The following RASEF variants were observed in gnomAD, a reference collection of about 807,000 sequenced individuals.
The protein encoded by RASEF is RAS and EF-hand domain containing.
Under a neutral mutation model 90.1 loss-of-function variants are expected in RASEF, and 68 were observed. The observed-to-expected ratio is 0.75, with a 90% CI of 0.62 to 0.92. The LOEUF is 0.92. RASEF is among the 40% of genes least tolerant of loss of function. The pLI is 0.00. For synonymous variants in RASEF, 331 were observed against 345.2 expected, an observed-to-expected ratio of 0.96 and a Z score of 0.46; for missense variants, 949 against 937.2, an observed-to-expected ratio of 1.01 and a Z score of -0.16.
chr9:83,061,573 A>T (rs745829159), intron 1 of RASEF, among the ~76,000 whole-genome samples: 3 of 152,146 alleles, frequency 2.0e-5, no homozygotes, highest in Non-Finnish European at 2.9e-5. Context: ...CCACCACACC[A>T]AGGCATGGAC....
chr9:83,060,146 C>A (rs1830180102), intron 1 of RASEF, among the ~76,000 whole-genome samples: 1 of 151,950 alleles, frequency 6.6e-6, no homozygotes, highest in African/African-American at 2.4e-5. Flanking sequence ...GCAGACTGTC[C>A]CCAGGGATAA....
At chr9:83,000,101 C>A (rs1411875320) in intron 12 of RASEF, 68 bp downstream of exon 12, 1 of 1,431,350 alleles carries the variant, frequency 7.0e-7, no homozygotes. Flanking sequence ...TGTATGTAAT[C>A]CCTGAAGAAG....
the RASEF span, among the ~76,000 whole-genome samples, chr9:83,153,722 A>G: frequency 4.6e-5 from 7 of 152,332 alleles, no homozygotes; most frequent in East Asian, 1.2e-3. Context: ...GTTCTTTTCT[A>G]GTCCTCAGTA....
chr9:83,164,620 A>G, the RASEF span, among the ~76,000 whole-genome samples: 1 of 151,156 alleles, frequency 6.6e-6, no homozygotes, highest in East Asian at 1.9e-4. Context: ...AAGGAAAAAA[A>G]AAAAGAAGGC....
intron 1 of RASEF, among the ~76,000 whole-genome samples, chr9:83,037,320 A>T (rs1829760980): frequency 6.6e-6 from 1 of 152,136 alleles, no homozygotes; most frequent in Admixed American, 6.5e-5. Context: ...TCAAAAAAAA[A>T]AATAAACAGT....
the RASEF span, among the ~76,000 whole-genome samples, chr9:83,078,015 G>T: frequency 6.6e-6 from 1 of 152,148 alleles, no homozygotes; most frequent in Non-Finnish European, 1.5e-5. Flanking sequence ...AGGGATCTCT[G>T]TATAACCTCA....
chr9:82,998,621 C>A (rs1828965299), intron 12 of RASEF, among the ~76,000 whole-genome samples, 175 bp from the exon 13 acceptor site: 1 of 152,186 alleles, frequency 6.6e-6, no homozygotes, highest in Admixed American at 6.5e-5. Context: ...AGTCAGACCA[C>A]ACGTGTGTGC....
the RASEF span, among the ~76,000 whole-genome samples, chr9:83,176,896 G>A: frequency 6.6e-6 from 1 of 152,012 alleles, no homozygotes; most frequent in Non-Finnish European, 1.5e-5. Flanking sequence ...GAAGCCAAGA[G>A]AAGAGCACAA....
At chr9:83,176,410 T>C in the RASEF span, among the ~76,000 whole-genome samples, 3 of 152,146 alleles carry the variant, frequency 2.0e-5, no homozygotes, top group African/African-American at 4.8e-5. Context: ...AGATAGCATA[T>C]AGTTGAGTCT....
chr9:83,189,922 C>T, the RASEF span, among the ~76,000 whole-genome samples: 37,808 of 152,092 alleles, frequency 0.25, 7,830 homozygotes, highest in African/African-American at 0.54. Context: ...TCCAATACAA[C>T]GTTTAAAACT....
chr9:83,191,511 A>G, the RASEF span, among the ~76,000 whole-genome samples: 244 of 152,318 alleles, frequency 1.6e-3, 1 homozygote, highest in African/African-American at 5.5e-3. Flanking sequence ...TTCATCTGAC[A>G]ATTGTAAGGT....
the RASEF span, among the ~76,000 whole-genome samples, chr9:83,148,705 A>G: frequency 3.3e-5 from 5 of 152,238 alleles, no homozygotes; most frequent in Non-Finnish European, 7.3e-5. Context: ...GAGACTTCTC[A>G]AAGGATATCT....
At chr9:83,173,107 G>A in the RASEF span, among the ~76,000 whole-genome samples, 1 of 151,864 alleles carries the variant, frequency 6.6e-6, no homozygotes, top group Non-Finnish European at 1.5e-5. Flanking sequence ...TGAGAAGTCT[G>A]CTGCCAGGTA....
At chr9:83,121,841 G>A in the RASEF span, among the ~76,000 whole-genome samples, 1 of 152,024 alleles carries the variant, frequency 6.6e-6, no homozygotes, top group Non-Finnish European at 1.5e-5. Flanking sequence ...CAATGACTCT[G>A]AAATCCCATT....
the RASEF span, among the ~76,000 whole-genome samples, chr9:83,180,579 T>C: frequency 6.6e-6 from 1 of 151,856 alleles, no homozygotes; most frequent in Non-Finnish European, 1.5e-5. Flanking sequence ...CTAGAGCACA[T>C]TAATAAGTGC....
At chr9:83,217,059 T>A in the RASEF span, among the ~76,000 whole-genome samples, 1 of 152,144 alleles carries the variant, frequency 6.6e-6, no homozygotes, top group African/African-American at 2.4e-5. Context: ...ATGTGAGGCA[T>A]AAAGTCAAAG....
At chr9:83,008,938 C>G (rs553529549) in intron 6 of RASEF, among the ~76,000 whole-genome samples, 3 of 43,608 alleles carry the variant, frequency 6.9e-5, no homozygotes, top group African/African-American at 1.6e-4. Flanking sequence ...ATATATATGA[C>G]GTGGGCTCTG....
chr9:82,982,715 TG>T lies in RASEF; in HGVS notation c.2184del (p.Lys730SerfsTer5). On this transcript the variant is annotated frameshift_variant, in exon 17 of 17. Coordinates refer to ENST00000376447, the MANE Select transcript of RASEF (RefSeq NM_152573.4). LOFTEE classifies it high-confidence loss of function. ...RSITNLTGTN[S>X]KKSPQMKNCC... ...CAATTCTTCATCTGTGGTGACTTTT[TG>T]GAATTGGTCCCGGTTAGATTGGTAA... 6.2e-7 allele frequency: 1 copy of T among 1,611,114 alleles called. No homozygotes were observed. Among genetic ancestry groups the T allele is most frequent in the Non-Finnish European group, 8.5e-7 (1 of 1,177,236 alleles).
intron 2 of RASEF, among the ~76,000 whole-genome samples, chr9:83,023,730 C>G (rs1829484921): frequency 6.6e-6 from 1 of 152,170 alleles, no homozygotes; most frequent in South Asian, 2.1e-4. Context: ...ATAGCAATGT[C>G]TGGCGGTTTT....
Sources: allele counts gnomAD v4.1 joint callset (sites outside exome capture counted in the v4.1 genomes callset), GRCh38; gene constraint gnomAD v4.1.1; transcripts MANE v1.5; gene names NCBI Gene and HGNC (gene_info 2026-07-23, HGNC 2026-07-21).